Variants in ONECUT3 observed in about 807,000 individuals in gnomAD.
ONECUT3 encodes one cut domain family member 3.
ONECUT3 carries 11 observed loss-of-function variants against 16.8 expected under a neutral mutation model. The observed-to-expected ratio is 0.66, with a 90% CI of 0.41 to 1.09. The LOEUF (loss-of-function observed/expected upper bound fraction) is 1.09, where lower values mean the gene tolerates loss of function less well. Among genes scored for constraint, ONECUT3 ranks in the 50% least tolerant of loss-of-function variants. ONECUT3 has a pLI of 0.00. For synonymous variants in ONECUT3, 344 were observed against 310.7 expected (o/e 1.11, Z -1.13); for missense variants, 637 against 629.9 (o/e 1.01, Z -0.12).
intron 1 of ONECUT3, among the ~76,000 whole-genome samples, chr19:1,769,145 G>A (rs1457780279): frequency 3.3e-5 from 5 of 150,702 alleles, no homozygotes; most frequent in Admixed American, 1.3e-4. Flanking sequence ...GGTGGAGGTC[G>A]TGGCGGTGGA....
rs1161462486 is a variant in ONECUT3, at chr19:1,775,204, A to C, written c.1244A>C (p.Lys415Thr). The C allele has an allele frequency of 6.6e-7, 1 of 1,524,738 alleles. No homozygotes were observed. The highest frequency in any genetic ancestry group is 1.4e-5 in the African/African-American group (1 of 71,128). 94.5% of individuals were successfully genotyped at this position (1,524,738 alleles called of 1,614,324 possible). A position where few individuals can be genotyped will look rare whatever the true frequency, so the allele number is the denominator to read the frequency against. Residue 415 changes from lysine (K) to threonine (T), a missense_variant, in exon 2 of 2, where the codon AAG becomes ACG. Lys to Thr is a moderately conservative substitution (Grantham distance 78). Coordinates refer to ENST00000382349, the MANE Select transcript of ONECUT3 (RefSeq NM_001080488.2). ...CAGAAGGAGCGCGCCCTGCAGCCCA[A>C]GAAGCAGCGCCTGGTGTTCACCGAC... ...EQQKERALQP[K>T]KQRLVFTDLQ... is the part of the protein sequence containing the mutation.
chr19:1,764,404 T>C lies in ONECUT3; in HGVS notation c.1192+9550T>C, dbSNP rs1799215518. On this transcript the variant is annotated intron_variant, in intron 1 of 1. Transcript: ENST00000382349. This position sits in a 1 kb window ranked among gnomAD's most constrained non-coding sequence, Gnocchi z 5.0. ...TAATTTGAAAATGCAGTCATTAAAA[T>C]CCCATCAGGGGAGGCTGGCGGGGAA... 6.6e-6 allele frequency among the ~76,000 whole-genome samples: 1 copy of C among 151,926 alleles called. No individual in the cohort carries two copies. The highest frequency in any genetic ancestry group is 1.5e-5 in the Non-Finnish European group (1 of 67,990).
intron 1 of ONECUT3, among the ~76,000 whole-genome samples, chr19:1,773,715 C>A (rs1426348111): frequency 2.0e-5 from 3 of 152,160 alleles, no homozygotes; most frequent in Non-Finnish European, 4.4e-5. Flanking sequence ...CTCTTCAGCA[C>A]CACAGTCCCA....
chr19:1,771,859 T>G (rs1447058818), intron 1 of ONECUT3, among the ~76,000 whole-genome samples: 2 of 152,130 alleles, frequency 1.3e-5, no homozygotes, highest in Non-Finnish European at 2.9e-5. Context: ...TTAAATTTTT[T>G]GTAGCAATGG....
Position 1,776,003 on chromosome 19 carries a change from C to A in ONECUT3, c.*558C>A, listed in dbSNP as rs34294448. The A allele has an allele frequency of 0.27, 41,115 of 151,278 alleles. 6,016 individuals are homozygous for A. Among genetic ancestry groups the A allele is most frequent in the East Asian group, 0.4 (1,988 of 5,014 alleles). The allele number at this position is 151,278 out of a possible 1,614,324, so 9.4% of individuals were successfully genotyped here. A position where few individuals can be genotyped will look rare whatever the true frequency, so the allele number is the denominator to read the frequency against. On this transcript the variant is annotated 3_prime_UTR_variant, in exon 2 of 2. Coordinates refer to ENST00000382349, the MANE Select transcript of ONECUT3 (RefSeq NM_001080488.2). The surrounding 1 kb of genome is among the most constrained non-coding windows in gnomAD (Gnocchi z 4.9). Reference sequence around the variant, plus strand: ...CATCAAGCCGGATCCTTACGGTCCCCCACCCTCTCCAAAACCAACCCCACC... The same window carrying A: ...CATCAAGCCGGATCCTTACGGTCCCACACCCTCTCCAAAACCAACCCCACC...
Position 1,777,106 on chromosome 19 carries a change from C to T in ONECUT3, c.*1661C>T, listed in dbSNP as rs1568605158. ...TCGTGAGGTCGAAGAGTGCCTTCTT[C>T]TTGAACCAAAGACGTGTATGGAGTG... On this transcript the variant is annotated 3_prime_UTR_variant, in exon 2 of 2. Transcript: ENST00000382349. 1 of 152,196 alleles carries T rather than the reference C, an allele frequency of 6.6e-6. No homozygotes were observed. The highest frequency in any genetic ancestry group is 1.5e-5 in the Non-Finnish European group (1 of 68,072). The allele number at this position is 152,196 out of a possible 1,614,324, so 9.4% of individuals were successfully genotyped here. A position where few individuals can be genotyped will look rare whatever the true frequency, so the allele number is the denominator to read the frequency against.
rs7250162 is a variant in ONECUT3, at chr19:1,766,074, T to C, written c.1193-9079T>C. Among the ~76,000 whole-genome samples, 2 of 151,994 alleles carry C rather than the reference T, an allele frequency of 1.3e-5. No homozygotes were observed. The highest frequency in any genetic ancestry group is 2.4e-5 in the African/African-American group (1 of 41,422). On this transcript the variant is annotated intron_variant, in intron 1 of 1. Coordinates refer to ENST00000382349, the MANE Select transcript of ONECUT3 (RefSeq NM_001080488.2). The surrounding 1 kb of genome is among the most constrained non-coding windows in gnomAD (Gnocchi z 4.0). ...TGATGCCGGTTTTCCCGCCCAGAAC[T>C]GGAACAGCTTTCCTAACGGTCACAG...
rs2068136980 is a variant in ONECUT3 at position 1,779,277 on chromosome 19, C to T, written c.*3832C>T. 1 of 152,148 alleles carries T rather than the reference C, an allele frequency of 6.6e-6. No individual in the cohort carries two copies. The highest frequency in any genetic ancestry group is 2.4e-5 in the African/African-American group (1 of 41,422). The allele number at this position is 152,148 out of a possible 1,614,324, so 9.4% of individuals were successfully genotyped here. A position where few individuals can be genotyped will look rare whatever the true frequency, so the allele number is the denominator to read the frequency against. Reference sequence around the variant, plus strand: ...GTTCCGTGGGAGACGCATTGAATGTCAGGGCTGGAGACCAGAGGGAAAGTT... The same window carrying T: ...GTTCCGTGGGAGACGCATTGAATGTTAGGGCTGGAGACCAGAGGGAAAGTT... On this transcript the variant is annotated 3_prime_UTR_variant, in exon 2 of 2. Coordinates refer to ENST00000382349, the MANE Select transcript of ONECUT3 (RefSeq NM_001080488.2).
intron 1 of ONECUT3, among the ~76,000 whole-genome samples, chr19:1,768,644 T>C (rs1301013521): frequency 2.0e-5 from 3 of 152,032 alleles, no homozygotes; most frequent in Non-Finnish European, 4.4e-5. Flanking sequence ...GAGCTGCTGG[T>C]GATGGAACCA....
At position 1,780,319 on chromosome 19, in the gene ONECUT3, AG is replaced by A. The variant is rs911640866; in HGVS notation, c.*4876del. 2 of 152,144 alleles carry A rather than the reference AG, an allele frequency of 1.3e-5. No homozygotes were observed. The highest frequency in any genetic ancestry group is 4.8e-5 in the African/African-American group (2 of 41,442). The allele number at this position is 152,144 out of a possible 1,614,324, so 9.4% of individuals were successfully genotyped here. On this transcript the variant is annotated 3_prime_UTR_variant, in exon 2 of 2. Coordinates refer to ENST00000382349, the MANE Select transcript of ONECUT3 (RefSeq NM_001080488.2). ...CCCACTTTCGGAGCCTACAGAACAG[AG>A]GACTCCCCAAAATCATCAAAGGGGG... is the stretch of plus-strand genomic sequence containing the variant.
At chr19:1,761,298 C>T (rs963713845) in intron 1 of ONECUT3, among the ~76,000 whole-genome samples, 2 of 152,110 alleles carry the variant, frequency 1.3e-5, no homozygotes, top group African/African-American at 4.8e-5. Context: ...GATGATCCAC[C>T]CACCTCGGCC....
Position 1,761,247 on chromosome 19 carries a change from T to G in ONECUT3, c.1192+6393T>G, listed in dbSNP as rs563488038. Among the ~76,000 whole-genome samples the G allele has an allele frequency of 4.6e-3, 705 of 152,104 alleles. 3 individuals carry two copies. The highest frequency in any genetic ancestry group is 0.016 in the African/African-American group (683 of 41,472). The stretch of plus-strand genomic sequence containing the variant: ...TTTGTGTTTTTAGTAGAGACCGGGT[T>G]TCACCACGTTGACCAGGCTGGTCTC... On this transcript the variant is annotated intron_variant, in intron 1 of 1. Transcript: ENST00000382349.
At position 1,754,907 on chromosome 19, in the gene ONECUT3, C is replaced by G. The variant is rs144345336; in HGVS notation, c.1192+53C>G. ...CCTGGGGGCGCCGGCTCTGGACTCC[C>G]GAGCACCTAGCGGGGCGGCGGCCGA... On this transcript the variant is annotated intron_variant, in intron 1 of 1. Transcript: ENST00000382349. The surrounding 1 kb of genome is among the most constrained non-coding windows in gnomAD (Gnocchi z 7.4). The G allele has an allele frequency of 3.8e-6, 5 of 1,303,668 alleles. No individual in the cohort carries two copies. Among genetic ancestry groups the G allele is most frequent in the Non-Finnish European group, 4.9e-6 (5 of 1,022,500 alleles). 80.8% of individuals were successfully genotyped at this position (1,303,668 alleles called of 1,614,324 possible).
chr19:1,765,826 A>T (rs1190075221), intron 1 of ONECUT3, among the ~76,000 whole-genome samples: 1 of 152,034 alleles, frequency 6.6e-6, no homozygotes, highest in Non-Finnish European at 1.5e-5. Context: ...TGGTGAGGGG[A>T]GCAGGGGGAG....
In ONECUT3 at chr19:1,758,300, CAA is replaced by C. The variant is rs55658128; in HGVS notation, c.1192+3461_1192+3462del. 0.012 allele frequency among the ~76,000 whole-genome samples: 1,398 copies of C among 121,322 alleles called. 33 individuals carry two copies. The highest frequency in any genetic ancestry group is 0.042 in the African/African-American group (1,296 of 30,642). The allele number at this position is 121,322 out of a possible 152,430, so 79.6% of individuals were successfully genotyped here. On this transcript the variant is annotated intron_variant, in intron 1 of 1. Transcript: ENST00000382349. The surrounding 1 kb of genome is among the most constrained non-coding windows in gnomAD (Gnocchi z 5.9). The stretch of plus-strand genomic sequence containing the variant: ...GAGACGAAAAGAGAGGCAGAGAGAC[CAA>C]AAAAAAAAAAAAAAGAGAGAGAGAG...
chr19:1,756,531 G>C (rs1269662893), intron 1 of ONECUT3, among the ~76,000 whole-genome samples: 1 of 152,014 alleles, frequency 6.6e-6, no homozygotes, highest in East Asian at 1.9e-4. Context: ...ACCCCTGGCA[G>C]CTCTATTTAT....
intron 1 of ONECUT3, among the ~76,000 whole-genome samples, chr19:1,770,642 C>G (rs1286702428): frequency 6.6e-6 from 1 of 152,146 alleles, no homozygotes; most frequent in Admixed American, 6.5e-5. Context: ...CGAGAAGGGC[C>G]TCCCTTGGAA....
chr19:1,779,125 A>C lies in ONECUT3; in HGVS notation c.*3680A>C, dbSNP rs2068135941. ...TTGACAATTTTCTCTGAAATACCTCAAAATATTTAATGTATAGTTTATGTG... is the reference window on the plus strand; with the variant it reads ...TTGACAATTTTCTCTGAAATACCTCCAAATATTTAATGTATAGTTTATGTG... On this transcript the variant is annotated 3_prime_UTR_variant, in exon 2 of 2. Transcript: ENST00000382349. 6.6e-6 allele frequency: 1 copy of C among 152,068 alleles called. No homozygotes were observed. Among genetic ancestry groups the C allele is most frequent in the African/African-American group, 2.4e-5 (1 of 41,350 alleles). 9.4% of individuals were successfully genotyped at this position (152,068 alleles called of 1,614,324 possible).
chr19:1,768,913 G>GAGGTA (rs1568599083), intron 1 of ONECUT3, among the ~76,000 whole-genome samples: 3 of 148,340 alleles, frequency 2.0e-5, no homozygotes, highest in Admixed American at 2.0e-4. Flanking sequence ...TGGTGGAGGT[G>GAGGTA]GAGGTGGTGG....
Sources: allele counts gnomAD v4.1 joint callset (sites outside exome capture counted in the v4.1 genomes callset), GRCh38; gene constraint gnomAD v4.1.1; non-coding constraint Gnocchi (gnomAD v3.1); transcripts MANE v1.5; gene names NCBI Gene and HGNC (gene_info 2026-07-23, HGNC 2026-07-21).